PCDH9: variants seen among roughly 807,000 people sequenced by gnomAD.
The protein encoded by PCDH9 is protocadherin-9.
A neutral mutation model predicts 70.6 loss-of-function variants in PCDH9; 24 were observed. That is an observed-to-expected ratio of 0.34 (90% CI 0.25 to 0.48). PCDH9 has a LOEUF of 0.48. PCDH9 is among the 20% of genes least tolerant of loss of function. The probability of loss-of-function intolerance (pLI) is 0.99; values close to 1 mark genes in which losing one functional copy is unlikely to be tolerated. For missense variants in PCDH9, 1,281 were observed against 1,503.6 expected (o/e 0.85, Z 2.45); for synonymous variants, 562 against 558.5 (o/e 1.01, Z -0.09).
At chr13:66,936,031 G>C (rs2082910694) in intron 2 of PCDH9, among the ~76,000 whole-genome samples, 1 of 152,188 alleles carries the variant, frequency 6.6e-6, no homozygotes, top group Non-Finnish European at 1.5e-5. Context: ...GTTCCAGTGA[G>C]CTGAGATCGC....
chr13:66,655,818 T>C (rs532119567), intron 3 of PCDH9, among the ~76,000 whole-genome samples: 18 of 152,356 alleles, frequency 1.2e-4, no homozygotes, highest in South Asian at 6.2e-4. Context: ...TTTAATTTCA[T>C]ATTACAGTGA....
chr13:67,201,198 A>G (rs975875990), intron 2 of PCDH9: 1 of 152,106 alleles, frequency 6.6e-6, no homozygotes, highest in Non-Finnish European at 1.5e-5. Context: ...ATAAGCTTTC[A>G]AATACATTAG....
chr13:67,146,606 G>C (rs1054013016), intron 2 of PCDH9, among the ~76,000 whole-genome samples: 3 of 152,120 alleles, frequency 2.0e-5, no homozygotes, highest in Non-Finnish European at 4.4e-5. Context: ...AATATGCATG[G>C]AACATCGGAA....
chr13:66,624,357 T>C (rs1470992708), intron 4 of PCDH9, among the ~76,000 whole-genome samples: 2 of 152,246 alleles, frequency 1.3e-5, no homozygotes, highest in African/African-American at 4.8e-5. Flanking sequence ...TACTGCTACT[T>C]GGGAATGGAA....
chr13:66,715,811 G>A (rs376359951), intron 3 of PCDH9, among the ~76,000 whole-genome samples: 4 of 152,164 alleles, frequency 2.6e-5, no homozygotes, highest in Admixed American at 6.5e-5. Flanking sequence ...TAGTGTCTGC[G>A]TTTCAGAGGT....
chr13:66,888,225 T>C (rs541086694), intron 3 of PCDH9, among the ~76,000 whole-genome samples: 1 of 152,200 alleles, frequency 6.6e-6, no homozygotes, highest in South Asian at 2.1e-4. Context: ...CCAGGTCCAG[T>C]GGCTCGTGCC....
chr13:67,071,263 T>C (rs1425331041), intron 2 of PCDH9, among the ~76,000 whole-genome samples: 1 of 152,148 alleles, frequency 6.6e-6, no homozygotes, highest in African/African-American at 2.4e-5. Flanking sequence ...ACCAAATAAA[T>C]GTTCAACACT....
At chr13:66,817,241 A>G (rs1416846590) in intron 3 of PCDH9, among the ~76,000 whole-genome samples, 1 of 152,156 alleles carries the variant, frequency 6.6e-6, no homozygotes, top group Non-Finnish European at 1.5e-5. Flanking sequence ...CAAGAGCTGC[A>G]TAACATATTA....
At chr13:66,800,566 T>C (rs951632168) in intron 3 of PCDH9, among the ~76,000 whole-genome samples, 6 of 152,158 alleles carry the variant, frequency 3.9e-5, no homozygotes, top group African/African-American at 7.2e-5. Context: ...ATGGTCGCAT[T>C]GTAGATAGAT....
chr13:66,749,876 T>C (rs541256160), intron 3 of PCDH9, among the ~76,000 whole-genome samples: 86 of 152,310 alleles, frequency 5.6e-4, no homozygotes, highest in African/African-American at 2.0e-3. Context: ...CTCCAGATTA[T>C]ACTTTAAATA....
chr13:66,311,788 T>A (rs935821265), intron 4 of PCDH9, among the ~76,000 whole-genome samples: 2 of 152,112 alleles, frequency 1.3e-5, no homozygotes, highest in Admixed American at 6.6e-5. Flanking sequence ...AATAAATAGA[T>A]GTTTAGTTAT....
At chr13:66,664,113 T>C (rs2078059424) in intron 3 of PCDH9, among the ~76,000 whole-genome samples, 1 of 152,204 alleles carries the variant, frequency 6.6e-6, no homozygotes, top group Non-Finnish European at 1.5e-5. Context: ...TATATACTAA[T>C]TGGCCTACAG....
At chr13:66,522,029 A>G (rs886595453) in intron 4 of PCDH9, among the ~76,000 whole-genome samples, 9 of 61,970 alleles carry the variant, frequency 1.5e-4, no homozygotes, top group Admixed American at 6.6e-4. Flanking sequence ...ATGTGTGTGT[A>G]TATATACATA....
chr13:66,766,560 G>A (rs1566179998), intron 3 of PCDH9, among the ~76,000 whole-genome samples: 2 of 151,850 alleles, frequency 1.3e-5, no homozygotes, highest in East Asian at 3.9e-4. Flanking sequence ...CTGAGTTTGG[G>A]AAATATTTTA....
chr13:66,861,345 A>G (rs1264164627), intron 3 of PCDH9, among the ~76,000 whole-genome samples: 1 of 152,220 alleles, frequency 6.6e-6, no homozygotes. Flanking sequence ...TGCAGTGTCT[A>G]AGGAACAACT....
chr13:66,809,796 G>T (rs2080472192), intron 3 of PCDH9, among the ~76,000 whole-genome samples: 1 of 152,002 alleles, frequency 6.6e-6, no homozygotes, highest in African/African-American at 2.4e-5. Flanking sequence ...AAAAGAGGGT[G>T]CTTAATGAAT....
intron 2 of PCDH9, among the ~76,000 whole-genome samples, chr13:67,032,235 C>G (rs1424712756): frequency 1.3e-5 from 2 of 152,208 alleles, no homozygotes; most frequent in Non-Finnish European, 2.9e-5. Context: ...CCTACACTTC[C>G]CGGGCTCAAG....
At chr13:67,098,488 C>T (rs1327116445) in intron 2 of PCDH9, among the ~76,000 whole-genome samples, 1 of 152,116 alleles carries the variant, frequency 6.6e-6, no homozygotes, top group Non-Finnish European at 1.5e-5. Context: ...TTCCTATCTT[C>T]TGAGTACAAT....
chr13:66,753,961 T>C (rs930464646), intron 3 of PCDH9, among the ~76,000 whole-genome samples: 5 of 152,236 alleles, frequency 3.3e-5, no homozygotes, highest in Non-Finnish European at 7.3e-5. Context: ...ATGCATTGAT[T>C]ATTAATGAAA....
Sources: allele counts gnomAD v4.1 joint callset (sites outside exome capture counted in the v4.1 genomes callset), GRCh38; gene constraint gnomAD v4.1.1; transcripts MANE v1.5; gene names NCBI Gene and HGNC (gene_info 2026-07-23, HGNC 2026-07-21).